CDKAL1: variants seen among roughly 807,000 people sequenced by gnomAD.
CDKAL1 encodes the protein CDKAL1 threonylcarbamoyladenosine tRNA methylthiotransferase, also known as threonylcarbamoyladenosine tRNA methylthiotransferase.
A neutral mutation model predicts 68.2 loss-of-function variants in CDKAL1; 32 were observed. The ratio of observed to expected loss-of-function variants is 0.47; its 90% CI spans 0.35 to 0.63. CDKAL1 has a LOEUF of 0.63. Among genes scored for constraint, CDKAL1 ranks in the 30% least tolerant of loss-of-function variants. The probability of loss-of-function intolerance (pLI) is 0.00; values close to 1 mark genes in which losing one functional copy is unlikely to be tolerated. For missense variants in CDKAL1, 606 were observed against 696.7 expected (o/e 0.87, Z 1.47); for synonymous variants, 234 against 244.3 (o/e 0.96, Z 0.39).
intron 9 of CDKAL1, among the ~76,000 whole-genome samples, chr6:20,944,416 C>T (rs1490649850): frequency 6.6e-6 from 1 of 152,230 alleles, no homozygotes; most frequent in Non-Finnish European, 1.5e-5. Context: ...GGCGTGATCT[C>T]AGCTCACTGC....
chr6:21,151,917 A>G (rs1391079542), intron 13 of CDKAL1, among the ~76,000 whole-genome samples: 3 of 152,150 alleles, frequency 2.0e-5, no homozygotes, highest in Non-Finnish European at 4.4e-5. Flanking sequence ...TCCACCCCCA[A>G]CACACACAAT....
chr6:20,543,394 A>G (rs1763463157), intron 2 of CDKAL1, among the ~76,000 whole-genome samples: 1 of 152,052 alleles, frequency 6.6e-6, no homozygotes, highest in Non-Finnish European at 1.5e-5. Context: ...TTGTGGTTTT[A>G]GTTTCCATTT....
chr6:20,555,171 C>T (rs1561921925), intron 4 of CDKAL1, among the ~76,000 whole-genome samples: 1 of 152,130 alleles, frequency 6.6e-6, no homozygotes, highest in Non-Finnish European at 1.5e-5. Flanking sequence ...TTCCAGCAGA[C>T]AAGAAGTTTA....
chr6:21,128,858 G>C (rs557012604), intron 13 of CDKAL1, among the ~76,000 whole-genome samples: 2 of 152,338 alleles, frequency 1.3e-5, no homozygotes, highest in South Asian at 2.1e-4. Flanking sequence ...GTTAAGGGGT[G>C]TTGAACAGCA....
rs547345216 is a variant in CDKAL1, at chr6:20,648,128, A to ATT, written c.287-1150_287-1149dup. On this transcript the variant is annotated intron_variant, in intron 4 of 15. Transcript: ENST00000274695. Reference sequence around the variant, plus strand: ...ATGTTTATAATAAAATACTGGGGGAATTTTTTTTTTTTTTTTAGATGGAGT... The same window carrying ATT: ...ATGTTTATAATAAAATACTGGGGGAATTTTTTTTTTTTTTTTTTAGATGGAGT... 5.5e-3 allele frequency among the ~76,000 whole-genome samples: 758 copies of ATT among 136,744 alleles called. 7 individuals carry two copies. Among genetic ancestry groups the ATT allele is most frequent in the African/African-American group, 0.019 (713 of 37,212 alleles). The allele number at this position is 136,744 out of a possible 152,430, so 89.7% of individuals were successfully genotyped here.
intron 6 of CDKAL1, among the ~76,000 whole-genome samples, chr6:20,750,951 G>GAAAAA (rs59244637): frequency 1.9e-4 from 9 of 47,078 alleles, no homozygotes; most frequent in Non-Finnish European, 2.7e-4. Context: ...GCAACAGAGT[G>GAAAAA]AAAAAAAAAA....
At chr6:20,550,253 C>T (rs939298777) in intron 4 of CDKAL1, among the ~76,000 whole-genome samples, 5 of 152,288 alleles carry the variant, frequency 3.3e-5, no homozygotes, top group Admixed American at 2.0e-4. Flanking sequence ...GCTGGGATTA[C>T]AGGCATGAGC....
chr6:21,115,661 C>T (rs1368977026), intron 13 of CDKAL1, among the ~76,000 whole-genome samples: 1 of 152,158 alleles, frequency 6.6e-6, no homozygotes, highest in Non-Finnish European at 1.5e-5. Context: ...GAATAAATGT[C>T]TAGTTGATGA....
At chr6:20,711,976 G>A (rs1046359945) in intron 5 of CDKAL1, among the ~76,000 whole-genome samples, 3 of 152,294 alleles carry the variant, frequency 2.0e-5, no homozygotes, top group Non-Finnish European at 4.4e-5. Context: ...TAATGAAGAT[G>A]CCATGACTGA....
chr6:20,636,872 A>G (rs1196576486), intron 4 of CDKAL1, among the ~76,000 whole-genome samples: 2 of 151,870 alleles, frequency 1.3e-5, no homozygotes, highest in African/African-American at 2.4e-5. Context: ...CCCCGTCTCT[A>G]CTAAAAATAC....
chr6:21,087,270 C>A (rs1582169601), intron 12 of CDKAL1, among the ~76,000 whole-genome samples: 1 of 152,200 alleles, frequency 6.6e-6, no homozygotes, highest in Admixed American at 6.5e-5. Context: ...GTAACTGATT[C>A]TTTGAGAAAC....
chr6:20,975,242 C>A (rs1765787512), intron 10 of CDKAL1, among the ~76,000 whole-genome samples: 1 of 152,144 alleles, frequency 6.6e-6, no homozygotes, highest in African/African-American at 2.4e-5. Context: ...TGATAGATAT[C>A]CTTGCCTTGT....
chr6:20,739,041 C>A (rs898359496), intron 5 of CDKAL1, among the ~76,000 whole-genome samples: 2 of 152,132 alleles, frequency 1.3e-5, no homozygotes, highest in Admixed American at 1.3e-4. Context: ...ATTACTAGCA[C>A]GTAGGGTATT....
intron 9 of CDKAL1, among the ~76,000 whole-genome samples, chr6:20,903,810 A>G (rs1401291760): frequency 6.6e-6 from 1 of 152,216 alleles, no homozygotes; most frequent in Non-Finnish European, 1.5e-5. Flanking sequence ...TATGCAGAAG[A>G]GGATTCTGGG....
At chr6:20,874,223 A>G (rs1351125577) in intron 9 of CDKAL1, among the ~76,000 whole-genome samples, 1 of 152,178 alleles carries the variant, frequency 6.6e-6, no homozygotes, top group Admixed American at 6.5e-5. Context: ...TATGGAGGAA[A>G]TGGCATTTTT....
Position 20,932,816 on chromosome 6 carries a change from A to G in CDKAL1, c.743-22603A>G, listed in dbSNP as rs59909063. The stretch of plus-strand genomic sequence containing the variant: ...AGAACCTTTTTACTGATGAAATCAT[A>G]TAAGCCTCATAGAACCCTCCTAGGG... On this transcript the variant is annotated intron_variant, in intron 9 of 15. Coordinates refer to ENST00000274695, the MANE Select transcript of CDKAL1 (RefSeq NM_017774.3). 8.3e-3 allele frequency among the ~76,000 whole-genome samples: 1,270 copies of G among 152,328 alleles called. 17 individuals carry two copies. The highest frequency in any genetic ancestry group is 0.028 in the African/African-American group (1,184 of 41,580).
rs543055253 is a variant in CDKAL1, at chr6:20,816,001, C to A, written c.639-30074C>A. The stretch of plus-strand genomic sequence containing the variant: ...TCTCTCCAGAGCTATAGGAGAGAAT[C>A]CTTTCTTGCTGCTTCTAGCTTCTGC... On this transcript the variant is annotated intron_variant, in intron 8 of 15. Coordinates refer to ENST00000274695, the MANE Select transcript of CDKAL1 (RefSeq NM_017774.3). 1.1e-3 allele frequency among the ~76,000 whole-genome samples: 160 copies of A among 152,216 alleles called. 1 individual carries two copies. The highest frequency in any genetic ancestry group is 2.0e-3 in the Non-Finnish European group (134 of 68,010).
At chr6:21,132,748 G>T (rs1401756367) in intron 13 of CDKAL1, among the ~76,000 whole-genome samples, 1 of 152,080 alleles carries the variant, frequency 6.6e-6, no homozygotes, top group East Asian at 1.9e-4. Context: ...TCTTCTGGAA[G>T]AAATTGTATT....
intron 10 of CDKAL1, among the ~76,000 whole-genome samples, chr6:20,961,661 G>T (rs2150737948): frequency 6.6e-6 from 1 of 152,018 alleles, no homozygotes; most frequent in East Asian, 1.9e-4. Context: ...CAGCTACTCT[G>T]GAGGCTGAGG....
Sources: gnomAD v4.1 joint callset for allele counts (sites outside exome capture counted in the v4.1 genomes callset) on GRCh38, gnomAD v4.1.1 for gene constraint, MANE v1.5 for transcripts, NCBI Gene and HGNC (gene_info 2026-07-23, HGNC 2026-07-21) for gene names.